USP8: variants seen among roughly 807,000 people sequenced by gnomAD.
USP8 encodes ubiquitin carboxyl-terminal hydrolase 8.
Under a neutral mutation model 130.0 loss-of-function variants are expected in USP8, and 27 were observed. The ratio of observed to expected loss-of-function variants is 0.21; its 90% CI spans 0.15 to 0.29. USP8 has a LOEUF of 0.29. USP8 is among the 10% of genes least tolerant of loss of function. The pLI is 1.00. For synonymous variants in USP8, 392 were observed against 444.1 expected, an observed-to-expected ratio of 0.88 and a Z score of 1.48; for missense variants, 1,029 against 1,312.2, an observed-to-expected ratio of 0.78 and a Z score of 3.33.
At chr15:50,457,867 AAAAAG>A (rs535402931) in intron 4 of USP8, among the ~76,000 whole-genome samples, 1,516 of 149,350 alleles carry the variant, frequency 0.01, 30 homozygotes, top group African/African-American at 0.034. Context: ...TCTCAAAAAA[AAAAAG>A]AAAAGAAAAG....
chr15:50,436,386 C>G (rs1445323140), intron 1 of USP8, among the ~76,000 whole-genome samples: 1 of 152,122 alleles, frequency 6.6e-6, no homozygotes, highest in Non-Finnish European at 1.5e-5. Context: ...AATCTTCTCT[C>G]TTAATTTTTC....
chr15:50,459,754 A>G (rs910744986), intron 5 of USP8, among the ~76,000 whole-genome samples: 2 of 152,162 alleles, frequency 1.3e-5, no homozygotes, highest in Non-Finnish European at 2.9e-5. Flanking sequence ...GATTTATTAT[A>G]TCTGCATTCT....
Position 50,499,125 on chromosome 15 carries a change from G to C in USP8, c.*37G>C, listed in dbSNP as rs767903055. The stretch of plus-strand genomic sequence containing the variant: ...TTATAAACTAGTTATCTTTTAAAAG[G>C]CTCAGCAACACAACTCTTGAAATGC... On this transcript the variant is annotated 3_prime_UTR_variant, in exon 20 of 20. Transcript: ENST00000307179. 20 of 1,533,002 alleles carry C rather than the reference G, an allele frequency of 1.3e-5. No individual in the cohort carries two copies. Among genetic ancestry groups the C allele is most frequent in the Non-Finnish European group, 1.7e-5 (19 of 1,140,634 alleles). 95.0% of individuals were successfully genotyped at this position (1,533,002 alleles called of 1,614,324 possible).
At position 50,500,231 on chromosome 15, in the gene USP8, T is replaced by TA. The variant is rs1328197365; in HGVS notation, c.*1146dup. ...TTAGTCTAAGAGACCACTTCTTGGCTAAATTATTATATCAAATATATTCAA... is the reference window on the plus strand; with the variant it reads ...TTAGTCTAAGAGACCACTTCTTGGCTAAAATTATTATATCAAATATATTCAA... On this transcript the variant is annotated 3_prime_UTR_variant, in exon 20 of 20. Coordinates refer to ENST00000307179, the MANE Select transcript of USP8 (RefSeq NM_005154.5). 1.3e-5 allele frequency: 2 copies of TA among 152,326 alleles called. No individual in the cohort carries two copies. The highest frequency in any genetic ancestry group is 4.8e-5 in the African/African-American group (2 of 41,468). The allele number at this position is 152,326 out of a possible 1,614,324, so 9.4% of individuals were successfully genotyped here.
chr15:50,424,996 T>A (rs971700446), intron 1 of USP8, among the ~76,000 whole-genome samples: 2 of 67,332 alleles, frequency 3.0e-5, no homozygotes, highest in African/African-American at 8.3e-5. Flanking sequence ...AATAGAAGAT[T>A]TTTTTTTTTT....
chr15:50,429,303 T>G (rs933397916), intron 1 of USP8, among the ~76,000 whole-genome samples: 3 of 130,568 alleles, frequency 2.3e-5, no homozygotes, highest in Non-Finnish European at 4.8e-5. Context: ...ATCCTGGAGG[T>G]GTTTTTTTTT....
chr15:50,446,012 TGA>T (rs1199999596), intron 3 of USP8, among the ~76,000 whole-genome samples: 1 of 152,204 alleles, frequency 6.6e-6, no homozygotes, highest in Non-Finnish European at 1.5e-5. Flanking sequence ...GAAAATGTAT[TGA>T]AAATATTAGT....
Position 50,465,039 on chromosome 15 carries a change from A to G in USP8, c.542-8A>G. 2 of 1,613,112 alleles carry G rather than the reference A, an allele frequency of 1.2e-6. No homozygotes were observed. Among genetic ancestry groups the G allele is most frequent in the Non-Finnish European group, 1.7e-6 (2 of 1,179,528 alleles). Reference sequence around the variant, plus strand: ...CTTGTCACTTACACTGTCTCTCTCAATTCCAAGGAGCAATCACAGCAAAGG... The same window carrying G: ...CTTGTCACTTACACTGTCTCTCTCAGTTCCAAGGAGCAATCACAGCAAAGG... On this transcript the variant is annotated splice_polypyrimidine_tract_variant and splice_region_variant and intron_variant, in intron 6 of 19. Transcript: ENST00000307179.
Position 50,496,066 on chromosome 15 carries a change from A to G in USP8, c.2877A>G (p.Thr959=). 1 of 1,612,028 alleles carries G rather than the reference A, an allele frequency of 6.2e-7. No homozygotes were observed. Among genetic ancestry groups the G allele is most frequent in the Non-Finnish European group, 8.5e-7 (1 of 1,178,684 alleles). Residue 959 remains threonine (T), a synonymous_variant, in exon 17 of 20, where the codon ACA becomes ACG. Coordinates refer to ENST00000307179, the MANE Select transcript of USP8 (RefSeq NM_005154.5). ...ATTTGTCTCTACCACTAGCATCCACAAGTAAATGTACATTACAGGTAAGTT... is the reference window on the plus strand; with the variant it reads ...ATTTGTCTCTACCACTAGCATCCACGAGTAAATGTACATTACAGGTAAGTT... ...FMYLSLPLAS[T]SKCTLQDCLR...
intron 6 of USP8, among the ~76,000 whole-genome samples, chr15:50,463,927 TA>T (rs2051098666): frequency 6.6e-6 from 1 of 152,200 alleles, no homozygotes. Context: ...CAAAAGTAAA[TA>T]AATTAAATAT....
chr15:50,498,212 C>T (rs1053125950), intron 18 of USP8: 3 of 162,192 alleles, frequency 1.8e-5, no homozygotes, highest in African/African-American at 7.2e-5. Flanking sequence ...CAATTTCTGG[C>T]TCTAGTTTTC....
At chr15:50,457,210 T>C (rs1206646674) in intron 4 of USP8, among the ~76,000 whole-genome samples, 1 of 152,194 alleles carries the variant, frequency 6.6e-6, no homozygotes, top group African/African-American at 2.4e-5. Flanking sequence ...ATTTCTATTG[T>C]ATAGTTTTAT....
At chr15:50,456,676 A>G (rs1362161241) in intron 4 of USP8, among the ~76,000 whole-genome samples, 1 of 152,146 alleles carries the variant, frequency 6.6e-6, no homozygotes, top group Non-Finnish European at 1.5e-5. Flanking sequence ...ACTTTAGACC[A>G]GGAGTTCGAG....
Position 50,489,815 on chromosome 15 carries a change from T to C in USP8, c.1905T>C (p.Pro635=). Reference sequence around the variant, plus strand: ...ATTTTAATTAGGCTCAACGAGAACCTTTGACAAGAGCACGAAGTGAAGAAA... The same window carrying C: ...ATTTTAATTAGGCTCAACGAGAACCCTTGACAAGAGCACGAAGTGAAGAAA... ...DTERNKAQRE[P]LTRARSEEMG... The change falls in exon 13 of 20, where the codon CCT becomes CCC. Residue 635 remains proline, a synonymous_variant. Transcript: ENST00000307179. 1.3e-6 allele frequency: 2 copies of C among 1,556,970 alleles called. No individual in the cohort carries two copies. Among genetic ancestry groups the C allele is most frequent in the South Asian group, 1.3e-5 (1 of 78,756 alleles).
At chr15:50,458,939 C>T in intron 4 of USP8, 61 bp from the exon 5 acceptor site, 1 of 1,593,890 alleles carries the variant, frequency 6.3e-7, no homozygotes, top group South Asian at 1.1e-5. Flanking sequence ...AGAACTGAAA[C>T]TCCTTTAATT....
At chr15:50,440,208 T>C (rs764861299) in intron 2 of USP8, among the ~76,000 whole-genome samples, 1 of 152,194 alleles carries the variant, frequency 6.6e-6, no homozygotes, top group African/African-American at 2.4e-5. Context: ...GATTTTCAGA[T>C]GGGAAACAAT....
In USP8 at chr15:50,505,683, G is replaced by C. The variant is rs2052648763; in HGVS notation, c.*6595G>C. The C allele has an allele frequency of 6.6e-6, 1 of 152,302 alleles. No individual in the cohort carries two copies. Among genetic ancestry groups the C allele is most frequent in the Admixed American group, 6.5e-5 (1 of 15,280 alleles). 9.4% of individuals were successfully genotyped at this position (152,302 alleles called of 1,614,324 possible). On this transcript the variant is annotated 3_prime_UTR_variant, in exon 20 of 20. Transcript: ENST00000307179. ...TATTAAAAAATTAAAAACCGGCTGG[G>C]CATGGTGGTTCACACCTGTAATCCC...
At chr15:50,440,256 G>C (rs556597589) in intron 2 of USP8, among the ~76,000 whole-genome samples, 5 of 152,316 alleles carry the variant, frequency 3.3e-5, no homozygotes, top group African/African-American at 1.2e-4. Flanking sequence ...GACAAGGTCA[G>C]GCCTAAGACC....
In USP8 at chr15:50,465,202, G is replaced by A; in HGVS notation, c.686+11G>A. ...AGCCATCAGTCCAGGGTGGGTTATT[G>A]TGTAGTAAAGTAGTAAACTGTGTAG... On this transcript the variant is annotated intron_variant, in intron 7 of 19. Transcript: ENST00000307179. 3.7e-6 allele frequency: 6 copies of A among 1,611,406 alleles called. No homozygotes were observed. Among genetic ancestry groups the A allele is most frequent in the Non-Finnish European group, 5.1e-6 (6 of 1,178,806 alleles).
Sources: allele counts gnomAD v4.1 joint callset (sites outside exome capture counted in the v4.1 genomes callset), GRCh38; gene constraint gnomAD v4.1.1; transcripts MANE v1.5; gene names NCBI Gene and HGNC (gene_info 2026-07-23, HGNC 2026-07-21).